Variants in TSG101 observed in about 807,000 individuals in gnomAD.
TSG101 encodes tumor susceptibility gene 101 protein.
In TSG101, 19 loss-of-function variants were observed where a neutral mutation model predicts 48.5. The observed-to-expected ratio is 0.39, with a 90% CI of 0.27 to 0.58. TSG101 has a LOEUF of 0.58. Ranked by LOEUF, TSG101 falls within the 20% of genes least tolerant of loss-of-function variation. The pLI is 0.55. For synonymous variants in TSG101, 174 were observed against 169.4 expected, an observed-to-expected ratio of 1.03 and a Z score of -0.21; for missense variants, 365 against 484.4, an observed-to-expected ratio of 0.75 and a Z score of 2.31.
At chr11:18,499,378 TTAAATA>T (rs1353862647) in intron 7 of TSG101, among the ~76,000 whole-genome samples, 1 of 29,040 alleles carries the variant, frequency 3.4e-5, no homozygotes, top group African/African-American at 1.1e-4. Flanking sequence ...ATGTTTATAT[TTAAATA>T]TATATATATA....
chr11:18,485,624 G>C (rs1849609034), intron 7 of TSG101, among the ~76,000 whole-genome samples: 1 of 152,092 alleles, frequency 6.6e-6, no homozygotes, highest in Non-Finnish European at 1.5e-5. Flanking sequence ...AAATATATGA[G>C]CGCTCTCCAA....
intron 7 of TSG101, among the ~76,000 whole-genome samples, chr11:18,488,896 C>A (rs150096505): frequency 6.6e-6 from 1 of 151,964 alleles, no homozygotes; most frequent in Non-Finnish European, 1.5e-5. Context: ...GAGGCCAAGG[C>A]GGGTGGATCA....
chr11:18,505,659 T>C (rs183987094), intron 6 of TSG101, among the ~76,000 whole-genome samples: 19 of 152,332 alleles, frequency 1.2e-4, no homozygotes, highest in Non-Finnish European at 2.2e-4. Flanking sequence ...ACTGATTTCA[T>C]TGTTAATTTA....
intron 7 of TSG101, chr11:18,490,764 A>G (rs941763825): frequency 3.9e-5 from 20 of 513,280 alleles, no homozygotes; most frequent in Middle Eastern, 7.7e-4. Flanking sequence ...TTTCTGCTCA[A>G]TGCTGGAGAA....
intron 4 of TSG101, among the ~76,000 whole-genome samples, chr11:18,514,065 A>G (rs934277743): frequency 9.9e-5 from 15 of 151,884 alleles, no homozygotes; most frequent in Admixed American, 9.8e-4. Flanking sequence ...AGCCTGGGCA[A>G]CAGAGTAAAA....
chr11:18,490,821 C>G, intron 7 of TSG101: 1 of 545,762 alleles, frequency 1.8e-6, no homozygotes, highest in Middle Eastern at 3.5e-4. Context: ...TTGTAGGCAA[C>G]AGAGAGCAGA....
At chr11:18,482,700 T>C (rs1849559540) in intron 8 of TSG101, among the ~76,000 whole-genome samples, 1 of 152,240 alleles carries the variant, frequency 6.6e-6, no homozygotes, top group Non-Finnish European at 1.5e-5. Flanking sequence ...TGTTTATATG[T>C]AGCTCTTTAG....
chr11:18,523,952 G>A (rs1401121764), intron 1 of TSG101, among the ~76,000 whole-genome samples: 1 of 152,134 alleles, frequency 6.6e-6, no homozygotes, highest in African/African-American at 2.4e-5. Context: ...CACGAAGTCT[G>A]GCTGATTTTT....
At chr11:18,506,549 G>C (rs996914090) in intron 6 of TSG101, among the ~76,000 whole-genome samples, 1 of 151,896 alleles carries the variant, frequency 6.6e-6, no homozygotes, top group Non-Finnish European at 1.5e-5. Flanking sequence ...AAATTAGCCG[G>C]GAATGGTGGC....
chr11:18,503,768 CAACG>C (rs1472231896), intron 6 of TSG101, among the ~76,000 whole-genome samples: 1 of 152,126 alleles, frequency 6.6e-6, no homozygotes, highest in Non-Finnish European at 1.5e-5. Flanking sequence ...GTTTCCCTTA[CAACG>C]AAGAAGAAAA....
chr11:18,498,604 T>C (rs1849821230), intron 7 of TSG101, among the ~76,000 whole-genome samples: 1 of 152,168 alleles, frequency 6.6e-6, no homozygotes, highest in African/African-American at 2.4e-5. Flanking sequence ...TGGTTGAGTT[T>C]GAGATGCCTA....
Position 18,499,285 on chromosome 11 carries a change from CATAT to C in TSG101, c.640+3197_640+3200del, listed in dbSNP as rs1207452923. Among the ~76,000 whole-genome samples the C allele has an allele frequency of 2.1e-3, 205 of 95,750 alleles. 1 individual carries two copies. The highest frequency in any genetic ancestry group is 5.9e-3 in the African/African-American group (160 of 27,302). The allele number at this position is 95,750 out of a possible 152,430, so 62.8% of individuals were successfully genotyped here. ...ATATTTTATATATATTTATATATAT[CATAT>C]ATATTTATATTTATATATTTATTTA... On this transcript the variant is annotated intron_variant, in intron 7 of 9. Coordinates refer to ENST00000251968, the MANE Select transcript of TSG101 (RefSeq NM_006292.4).
intron 1 of TSG101, among the ~76,000 whole-genome samples, chr11:18,520,521 C>A (rs1850252632): frequency 6.6e-6 from 1 of 152,184 alleles, no homozygotes; most frequent in African/African-American, 2.4e-5. Context: ...TGGCCCACTT[C>A]TTACTGAACA....
chr11:18,493,551 G>T (rs989730362), intron 7 of TSG101, among the ~76,000 whole-genome samples: 1 of 152,100 alleles, frequency 6.6e-6, no homozygotes. Context: ...TACCTGCCCA[G>T]CATTTTTACT....
intron 6 of TSG101, among the ~76,000 whole-genome samples, chr11:18,503,947 T>G (rs1361565722): frequency 6.6e-6 from 1 of 152,134 alleles, no homozygotes; most frequent in Non-Finnish European, 1.5e-5. Flanking sequence ...ATCACACCTG[T>G]AATCCTAGCA....
intron 1 of TSG101, among the ~76,000 whole-genome samples, chr11:18,522,583 G>A (rs189946379): frequency 2.0e-5 from 3 of 152,270 alleles, no homozygotes; most frequent in South Asian, 2.1e-4. Context: ...TGCCTCCATC[G>A]TTAACCCCCT....
At chr11:18,515,770 T>C (rs1446908303) in intron 3 of TSG101, among the ~76,000 whole-genome samples, 1 of 152,212 alleles carries the variant, frequency 6.6e-6, no homozygotes, top group Non-Finnish European at 1.5e-5. Context: ...TAGCTTCCCA[T>C]TGTCAGGAAA....
intron 4 of TSG101, among the ~76,000 whole-genome samples, chr11:18,510,194 G>T (rs905253759): frequency 1.1e-4 from 16 of 152,136 alleles, no homozygotes; most frequent in African/African-American, 3.9e-4. Flanking sequence ...GCCAAGGTGG[G>T]TGGACTGCTT....
chr11:18,490,338 G>A (rs1246722747), intron 7 of TSG101: 1 of 600,816 alleles, frequency 1.7e-6, no homozygotes, highest in Non-Finnish European at 3.2e-6. Context: ...GTCTTTATAA[G>A]ACTCTTCATT....
Sources: gnomAD v4.1 joint callset for allele counts (sites outside exome capture counted in the v4.1 genomes callset) on GRCh38, gnomAD v4.1.1 for gene constraint, MANE v1.5 for transcripts, NCBI Gene and HGNC (gene_info 2026-07-23, HGNC 2026-07-21) for gene names.